Variants in DPYSL3 observed in about 807,000 individuals in gnomAD.
The protein encoded by DPYSL3 is dihydropyrimidinase like 3, also known as dihydropyrimidinase-related protein 3.
DPYSL3 carries 16 observed loss-of-function variants against 66.1 expected under a neutral mutation model. The observed-to-expected ratio is 0.24, with a 90% CI of 0.16 to 0.37. DPYSL3 has a LOEUF of 0.37. Ranked by LOEUF, DPYSL3 falls within the 10% of genes least tolerant of loss-of-function variation. The pLI is 1.00. For synonymous variants in DPYSL3, 338 were observed against 345.1 expected (o/e 0.98, Z 0.23); for missense variants, 738 against 916.2 (o/e 0.81, Z 2.51).
At chr5:147,453,067 C>A (rs1194188567) in intron 1 of DPYSL3, among the ~76,000 whole-genome samples, 1 of 152,092 alleles carries the variant, frequency 6.6e-6, no homozygotes, top group Non-Finnish European at 1.5e-5. Context: ...ACCCTCGCGG[C>A]GCAGGGGTCA....
Position 147,392,579 on chromosome 5 carries a change from G to A in DPYSL3, c.*1456C>T, listed in dbSNP as rs756774466. The A allele has an allele frequency of 6.6e-6, 1 of 152,218 alleles. No homozygotes were observed. Among genetic ancestry groups the A allele is most frequent in the Non-Finnish European group, 1.5e-5 (1 of 68,032 alleles). The allele number at this position is 152,218 out of a possible 1,614,324, so 9.4% of individuals were successfully genotyped here. ...TGAAAATGAGCATCTTGGTTCTATA[G>A]ATTCTTATCTTGCTCACAGGACTTG... On this transcript the variant is annotated 3_prime_UTR_variant, in exon 14 of 14. Coordinates refer to ENST00000343218, the MANE Select transcript of DPYSL3 (RefSeq NM_001197294.2).
intron 8 of DPYSL3, 99 bp from the exon 9 acceptor site, chr5:147,401,795 T>C (rs1758189271): frequency 3.5e-6 from 5 of 1,446,078 alleles, no homozygotes; most frequent in Non-Finnish European, 3.7e-6. Flanking sequence ...CAGGACTGTG[T>C]CTCAGAGTCA....
chr5:147,418,587 A>G lies in DPYSL3; in HGVS notation c.515T>C (p.Ile172Thr), dbSNP rs958023861. ...NLIVPGGVKT[I>T]EANGKMVIPG... ...GATCACCATCTTCCCATTGGCTTCA[A>G]TGGTCTTCACTCCTCCAGGAACAAT... The change falls in exon 3 of 14, where the codon ATT (isoleucine) becomes ACT (threonine). Residue 172 changes from isoleucine (I) to threonine (T), a missense_variant. Coordinates refer to ENST00000343218, the MANE Select transcript of DPYSL3 (RefSeq NM_001197294.2). The G allele has an allele frequency of 1.1e-5, 17 of 1,611,644 alleles. No homozygotes were observed. The highest frequency in any genetic ancestry group is 2.2e-5 in the East Asian group (1 of 44,824).
At chr5:147,493,326 A>C (rs1271611248) in intron 1 of DPYSL3, among the ~76,000 whole-genome samples, 1 of 152,180 alleles carries the variant, frequency 6.6e-6, no homozygotes, top group African/African-American at 2.4e-5. Flanking sequence ...TAATTCCAGC[A>C]ATTTGGGAGG....
intron 1 of DPYSL3, among the ~76,000 whole-genome samples, chr5:147,460,092 C>A (rs1006293669): frequency 1.3e-5 from 2 of 150,350 alleles, no homozygotes; most frequent in Non-Finnish European, 2.9e-5. Context: ...GCCTGGGCGA[C>A]AGAACGAGAC....
rs371277889 is a variant in DPYSL3 at position 147,497,916 on chromosome 5, T to TTC, written c.381+11560_381+11561dup. 4.7e-3 allele frequency among the ~76,000 whole-genome samples: 703 copies of TTC among 149,114 alleles called. 9 individuals are homozygous for TTC. The highest frequency in any genetic ancestry group is 0.016 in the African/African-American group (663 of 40,954). ...TTCCCTTCTCTCTCTCTCTCTCTCTTTCTCTCTCTCTCTCTTTCTCTTTCT... is the reference window on the plus strand; with the variant it reads ...TTCCCTTCTCTCTCTCTCTCTCTCTTTCTCTCTCTCTCTCTCTTTCTCTTTCT... On this transcript the variant is annotated intron_variant, in intron 1 of 13. Transcript: ENST00000343218.
intron 13 of DPYSL3, among the ~76,000 whole-genome samples, chr5:147,394,462 C>T (rs1757911125): frequency 6.6e-6 from 1 of 152,168 alleles, no homozygotes; most frequent in African/African-American, 2.4e-5. Flanking sequence ...CTTTAATCCT[C>T]ACCACCATGG....
At chr5:147,495,145 G>A (rs534639987) in intron 1 of DPYSL3, among the ~76,000 whole-genome samples, 49 of 152,182 alleles carry the variant, frequency 3.2e-4, no homozygotes, top group African/African-American at 1.0e-3. Context: ...AAATTATGCC[G>A]ATTCTCTACA....
intron 1 of DPYSL3, among the ~76,000 whole-genome samples, chr5:147,484,522 A>G (rs987817209): frequency 3.9e-5 from 6 of 152,334 alleles, no homozygotes; most frequent in African/African-American, 1.4e-4. Context: ...AGCTTTTCCT[A>G]TCAACAGTAA....
intron 1 of DPYSL3, among the ~76,000 whole-genome samples, chr5:147,438,593 C>T (rs1752458915): frequency 6.6e-6 from 1 of 152,192 alleles, no homozygotes; most frequent in South Asian, 2.1e-4. Flanking sequence ...TCATCCCTTA[C>T]CTGCAAAGCC....
rs762706222 is a variant in DPYSL3, at chr5:147,394,028, GGCTT to G, written c.*3_*6del. 10 of 1,614,022 alleles carry G rather than the reference GGCTT, an allele frequency of 6.2e-6. No individual in the cohort carries two copies. The African/African-American group carries it at 9.3e-5, about 15-fold the overall frequency. On this transcript the variant is annotated 3_prime_UTR_variant, in exon 14 of 14. Transcript: ENST00000343218. ...TGCTTCTGCCCCTCTCTTTGAGGAA[GGCTT>G]GCTTAACTCAGAGATGTGATATTAG...
intron 1 of DPYSL3, chr5:147,453,692 T>C: frequency 6.5e-6 from 9 of 1,381,618 alleles, no homozygotes; most frequent in African/African-American, 1.5e-5. Context: ...GTGGAGTGAA[T>C]GGTGCGCTGG....
intron 1 of DPYSL3, among the ~76,000 whole-genome samples, chr5:147,464,952 T>G (rs1160100088): frequency 6.6e-6 from 1 of 152,126 alleles, no homozygotes; most frequent in Non-Finnish European, 1.5e-5. Flanking sequence ...TAATCCTAGC[T>G]CTTTGGGAGG....
intron 10 of DPYSL3, among the ~76,000 whole-genome samples, chr5:147,399,647 C>T (rs185339573): frequency 6.6e-6 from 1 of 152,254 alleles, no homozygotes; most frequent in East Asian, 1.9e-4. Context: ...AGAATAAATA[C>T]AAAAGAACCT....
intron 12 of DPYSL3, among the ~76,000 whole-genome samples, chr5:147,396,956 AT>A (rs1298110495): frequency 3.6e-5 from 4 of 112,366 alleles, no homozygotes; most frequent in African/African-American, 1.5e-4. Flanking sequence ...ATTTATACGC[AT>A]TTTTGTTTTT....
At chr5:147,419,780 TACCACATC>T (rs2126315946) in intron 2 of DPYSL3, among the ~76,000 whole-genome samples, 1 of 152,286 alleles carries the variant, frequency 6.6e-6, no homozygotes, top group East Asian at 1.9e-4. Flanking sequence ...AGTTCAACTT[TACCACATC>T]ACCACTGGGC....
intron 10 of DPYSL3, among the ~76,000 whole-genome samples, chr5:147,399,772 T>C (rs758839063): frequency 6.6e-5 from 10 of 152,230 alleles, no homozygotes; most frequent in Non-Finnish European, 1.3e-4. Context: ...ATGTGTCATG[T>C]TGGTAATTTA....
intron 1 of DPYSL3, among the ~76,000 whole-genome samples, chr5:147,482,096 A>G (rs1281834368): frequency 6.6e-6 from 1 of 152,188 alleles, no homozygotes; most frequent in Non-Finnish European, 1.5e-5. Context: ...ATGAGAAATG[A>G]TCCAGATAAA....
rs909148133 is a variant in DPYSL3, at chr5:147,474,363, T to C, written c.381+35115A>G. On this transcript the variant is annotated intron_variant, in intron 1 of 13. Transcript: ENST00000343218. The stretch of plus-strand genomic sequence containing the variant: ...AAATGTCTTTTCATGAATTTAATAA[T>C]AATGATAATGATACTACGCAGGCAG... Among the ~76,000 whole-genome samples the C allele has an allele frequency of 2.0e-5, 3 of 152,248 alleles. No individual in the cohort carries two copies. The South Asian group carries it at 6.2e-4, about 32-fold the overall frequency.
Sources: gnomAD v4.1 joint callset for allele counts (sites outside exome capture counted in the v4.1 genomes callset) on GRCh38, gnomAD v4.1.1 for gene constraint, MANE v1.5 for transcripts, NCBI Gene and HGNC (gene_info 2026-07-23, HGNC 2026-07-21) for gene names.